Variants in CPA6 observed in about 807,000 individuals in gnomAD.
CPA6 encodes carboxypeptidase A6, also known as carboxypeptidase B.
In CPA6, 58 loss-of-function variants were observed where a neutral mutation model predicts 63.3. The observed-to-expected ratio is 0.92, with a 90% CI of 0.74 to 1.14. The LOEUF (loss-of-function observed/expected upper bound fraction) is 1.14. Among genes scored for constraint, CPA6 ranks in the 50% most tolerant of loss-of-function variants. CPA6 has a pLI of 0.00. For synonymous variants in CPA6, 185 were observed against 179.0 expected, an observed-to-expected ratio of 1.03 and a Z score of -0.27; for missense variants, 565 against 526.6, an observed-to-expected ratio of 1.07 and a Z score of -0.71.
At chr8:67,551,355 C>T (rs1375378348) in intron 2 of CPA6, among the ~76,000 whole-genome samples, 1 of 152,044 alleles carries the variant, frequency 6.6e-6, no homozygotes, top group African/African-American at 2.4e-5. Context: ...TATTTCTTGG[C>T]TCTCTATTGT....
intron 8 of CPA6, among the ~76,000 whole-genome samples, chr8:67,439,399 C>T (rs1319338671): frequency 1.3e-5 from 2 of 151,848 alleles, no homozygotes; most frequent in African/African-American, 4.8e-5. Context: ...CCTGCCTGGC[C>T]AACATGGTGA....
In CPA6 at chr8:67,537,164, G is replaced by A. The variant is rs6990275; in HGVS notation, c.193-19117C>T. Among the ~76,000 whole-genome samples, 1,449 of 152,114 alleles carry A rather than the reference G, an allele frequency of 9.5e-3. 23 individuals carry two copies. Among genetic ancestry groups the A allele is most frequent in the African/African-American group, 0.033 (1,366 of 41,490 alleles). On this transcript the variant is annotated intron_variant, in intron 2 of 10. Coordinates refer to ENST00000297770, the MANE Select transcript of CPA6 (RefSeq NM_020361.5). ...TATTGACCTGAAATTTTCTTTTTTT[G>A]TTGTGACTCTGCCAGGTTTTGGTAT...
At chr8:67,536,506 T>C (rs550359271) in intron 2 of CPA6, among the ~76,000 whole-genome samples, 2 of 152,318 alleles carry the variant, frequency 1.3e-5, no homozygotes, top group South Asian at 4.1e-4. Flanking sequence ...TGGTCTATTA[T>C]TGGTGTATAG....
In CPA6 at chr8:67,519,116, A is replaced by G. The variant is rs1812209560; in HGVS notation, c.193-1069T>C. 2.0e-5 allele frequency among the ~76,000 whole-genome samples: 3 copies of G among 151,904 alleles called. No homozygotes were observed. The South Asian group carries it at 6.2e-4, about 32-fold the overall frequency. On this transcript the variant is annotated intron_variant, in intron 2 of 10. Coordinates refer to ENST00000297770, the MANE Select transcript of CPA6 (RefSeq NM_020361.5). ...CAAGAGTGTAGACCTCCCCCTTTGT[A>G]GTAATTCACTACATGTTCAGTATTT...
At chr8:67,677,251 T>C (rs1189688755) in intron 1 of CPA6, among the ~76,000 whole-genome samples, 1 of 152,128 alleles carries the variant, frequency 6.6e-6, no homozygotes, top group Non-Finnish European at 1.5e-5. Flanking sequence ...AAATTATCAA[T>C]GAGTGATTTC....
chr8:67,689,959 A>T (rs1816782830), intron 1 of CPA6, among the ~76,000 whole-genome samples: 1 of 152,128 alleles, frequency 6.6e-6, no homozygotes, highest in Non-Finnish European at 1.5e-5. Context: ...CTTTTTCATA[A>T]TGGCCATTCT....
chr8:67,449,977 G>A (rs188140749), intron 8 of CPA6, among the ~76,000 whole-genome samples: 49 of 151,934 alleles, frequency 3.2e-4, no homozygotes, highest in African/African-American at 9.4e-4. Flanking sequence ...CACCACGCCC[G>A]GATAATTTTT....
chr8:67,524,496 C>T (rs898743008), intron 2 of CPA6, among the ~76,000 whole-genome samples: 4 of 152,136 alleles, frequency 2.6e-5, no homozygotes, highest in Non-Finnish European at 5.9e-5. Context: ...GGCATGTGGC[C>T]ACATCACTCC....
chr8:67,498,342 C>T (rs1006161946), intron 6 of CPA6, among the ~76,000 whole-genome samples: 6 of 151,602 alleles, frequency 4.0e-5, no homozygotes, highest in Admixed American at 2.6e-4. Flanking sequence ...TTGGGACCAG[C>T]CTGGCCAACA....
intron 1 of CPA6, among the ~76,000 whole-genome samples, chr8:67,664,577 C>T (rs757166181): frequency 3.3e-5 from 5 of 152,108 alleles, no homozygotes; most frequent in Non-Finnish European, 7.4e-5. Flanking sequence ...CAGAAACAGC[C>T]CCTCAAATCT....
chr8:67,526,011 A>T (rs1812355032), intron 2 of CPA6, among the ~76,000 whole-genome samples: 1 of 149,900 alleles, frequency 6.7e-6, no homozygotes, highest in Non-Finnish European at 1.5e-5. Context: ...TGTACACCTT[A>T]AATTTATGCA....
At chr8:67,683,023 C>A (rs960447022) in intron 1 of CPA6, among the ~76,000 whole-genome samples, 6 of 152,218 alleles carry the variant, frequency 3.9e-5, no homozygotes, top group Admixed American at 2.0e-4. Context: ...AGTTCTTGGA[C>A]TTTCAACTTC....
At chr8:67,572,838 A>G (rs1587580095) in intron 2 of CPA6, among the ~76,000 whole-genome samples, 1 of 152,220 alleles carries the variant, frequency 6.6e-6, no homozygotes, top group South Asian at 2.1e-4. Context: ...CAAAATAAGA[A>G]AACTACAGAC....
chr8:67,699,649 A>G (rs752129002), intron 1 of CPA6, among the ~76,000 whole-genome samples: 3 of 151,110 alleles, frequency 2.0e-5, no homozygotes, highest in Non-Finnish European at 4.4e-5. Flanking sequence ...GTACAATGGC[A>G]CTATCTGGGT....
chr8:67,485,322 CTTT>C (rs1811454738), intron 6 of CPA6, among the ~76,000 whole-genome samples: 1 of 152,008 alleles, frequency 6.6e-6, no homozygotes, highest in Admixed American at 6.6e-5. Flanking sequence ...CAAAAACTCC[CTTT>C]TTATTACTTC....
chr8:67,590,967 A>G (rs886620449), intron 2 of CPA6, among the ~76,000 whole-genome samples: 88 of 152,292 alleles, frequency 5.8e-4, no homozygotes, highest in African/African-American at 1.9e-3. Flanking sequence ...GCCCATGCCT[A>G]TGTTCTGAAT....
In CPA6 at chr8:67,530,993, C is replaced by T. The variant is rs562853825; in HGVS notation, c.193-12946G>A. On this transcript the variant is annotated intron_variant, in intron 2 of 10. Transcript: ENST00000297770. ...ACACATGAGCATTCAAGCCACTATA[C>T]GTGAAAGCTAACAGATTCAACACAT... Among the ~76,000 whole-genome samples, 13 of 152,222 alleles carry T rather than the reference C, an allele frequency of 8.5e-5. No individual in the cohort carries two copies. The South Asian group carries it at 1.5e-3, about 17-fold the overall frequency.
intron 6 of CPA6, among the ~76,000 whole-genome samples, chr8:67,497,050 GT>G (rs2128963199): frequency 6.6e-6 from 1 of 152,196 alleles, no homozygotes; most frequent in Admixed American, 6.5e-5. Flanking sequence ...CATTTAGCAT[GT>G]TTTCAAGATT....
intron 3 of CPA6, among the ~76,000 whole-genome samples, chr8:67,513,439 C>T (rs765629860): frequency 1.3e-5 from 2 of 151,980 alleles, no homozygotes; most frequent in African/African-American, 2.4e-5. Flanking sequence ...GTTATATTAC[C>T]GTCACCAAAA....
Sources: gnomAD v4.1 joint callset for allele counts (sites outside exome capture counted in the v4.1 genomes callset) on GRCh38, gnomAD v4.1.1 for gene constraint, MANE v1.5 for transcripts, NCBI Gene and HGNC (gene_info 2026-07-23, HGNC 2026-07-21) for gene names.